The following ST3GAL3 variants were observed in gnomAD, a reference collection of about 807,000 sequenced individuals.
The protein encoded by ST3GAL3 is ST3 beta-galactoside alpha-2,3-sialyltransferase 3, also known as CMP-N-acetylneuraminate-beta-1,4-galactoside alpha-2,3-sialyltransferase.
A neutral mutation model predicts 50.1 loss-of-function variants in ST3GAL3; 21 were observed. The observed-to-expected ratio is 0.42, with a 90% CI of 0.30 to 0.60. The LOEUF (loss-of-function observed/expected upper bound fraction) is 0.60. Among genes scored for constraint, ST3GAL3 ranks in the 20% least tolerant of loss-of-function variants. The probability of loss-of-function intolerance (pLI) is 0.19; values close to 1 mark genes in which losing one functional copy is unlikely to be tolerated. For missense variants in ST3GAL3, 353 were observed against 489.4 expected (o/e 0.72, Z 2.63); for synonymous variants, 183 against 190.0 (o/e 0.96, Z 0.30).
chr1:43,753,050 T>A (rs1440105903), intron 2 of ST3GAL3, among the ~76,000 whole-genome samples: 1 of 152,178 alleles, frequency 6.6e-6, no homozygotes, highest in Non-Finnish European at 1.5e-5. Flanking sequence ...ATTGTAAAGG[T>A]TATAACTAAA....
At chr1:43,816,925 G>C (rs1230877976) in intron 4 of ST3GAL3, among the ~76,000 whole-genome samples, 2 of 152,224 alleles carry the variant, frequency 1.3e-5, no homozygotes, top group Non-Finnish European at 1.5e-5. Context: ...CTGTCTCACA[G>C]ATACCTGAGA....
intron 2 of ST3GAL3, chr1:43,772,638 C>G (rs1695714003): frequency 6.6e-6 from 1 of 152,080 alleles, no homozygotes; most frequent in African/African-American, 2.4e-5. Context: ...TCCCATGGCC[C>G]CAGTGTCCCT....
intron 5 of ST3GAL3, among the ~76,000 whole-genome samples, chr1:43,890,738 G>C (rs577130899): frequency 6.6e-6 from 1 of 151,972 alleles, no homozygotes; most frequent in African/African-American, 2.4e-5. Context: ...TGAGAACTTA[G>C]CTGGGTATGG....
At chr1:43,736,495 C>G in intron 2 of ST3GAL3, 115 bp downstream of exon 2, 1 of 1,589,788 alleles carries the variant, frequency 6.3e-7, no homozygotes, top group South Asian at 1.1e-5. Context: ...GTAAACTGAA[C>G]ATTTCTGGGA....
At chr1:43,748,417 GC>G (rs1684713432) in intron 2 of ST3GAL3, among the ~76,000 whole-genome samples, 1 of 144,708 alleles carries the variant, frequency 6.9e-6, no homozygotes, top group African/African-American at 2.6e-5. Flanking sequence ...TGTTAAAACA[GC>G]CCCCATTTTT....
At chr1:43,842,947 C>T (rs1224814191) in intron 5 of ST3GAL3, among the ~76,000 whole-genome samples, 1 of 147,342 alleles carries the variant, frequency 6.8e-6, no homozygotes, top group African/African-American at 2.5e-5. Context: ...TGTAGGTCTC[C>T]TTCTGGACTC....
At chr1:43,857,520 TTCCCTCC>T (rs2068690197) in intron 5 of ST3GAL3, among the ~76,000 whole-genome samples, 1 of 137,486 alleles carries the variant, frequency 7.3e-6, no homozygotes, top group African/African-American at 2.6e-5. Context: ...CCTTCCTTCC[TTCCCTCC>T]TCCTTCCCTC....
rs576650803 is a variant in ST3GAL3 at position 43,836,964 on chromosome 1, C to T, written c.210-1255C>T. Among the ~76,000 whole-genome samples the T allele has an allele frequency of 2.7e-4, 7 of 26,302 alleles. No individual in the cohort carries two copies. In the East Asian group the frequency reaches 7.1e-3, roughly 27 times the overall value. 17.3% of individuals were successfully genotyped at this position (26,302 alleles called of 152,430 possible). Reference sequence around the variant, plus strand: ...CTGAAAAATATGTAGCAGTCTCAGCCTTGTGGGTTCCTTGAGATTGCCTTG... The same window carrying T: ...CTGAAAAATATGTAGCAGTCTCAGCTTTGTGGGTTCCTTGAGATTGCCTTG... On this transcript the variant is annotated intron_variant, in intron 4 of 11. Coordinates refer to ENST00000347631, the MANE Select transcript of ST3GAL3 (RefSeq NM_006279.5).
intron 5 of ST3GAL3, among the ~76,000 whole-genome samples, chr1:43,843,892 C>T (rs957315942): frequency 3.3e-5 from 5 of 152,208 alleles, no homozygotes; most frequent in East Asian, 3.9e-4. Flanking sequence ...GGTTGACGGC[C>T]GAACAAGACT....
Position 43,814,884 on chromosome 1 carries a change from T to A in ST3GAL3, c.167-7T>A, listed in dbSNP as rs199609363. On this transcript the variant is annotated splice_polypyrimidine_tract_variant and splice_region_variant and intron_variant, in intron 3 of 11. Coordinates refer to ENST00000347631, the MANE Select transcript of ST3GAL3 (RefSeq NM_006279.5). ...CTTCAGTGACATTTTCTGCTTTTCT[T>A]TTTCAGAGTATGATCGGTTGGGCTT... The A allele has an allele frequency of 1.7e-5, 28 of 1,614,194 alleles. No individual in the cohort carries two copies. Among genetic ancestry groups the A allele is most frequent in the Non-Finnish European group, 2.4e-5 (28 of 1,180,008 alleles).
chr1:43,890,007 G>T lies in ST3GAL3; in HGVS notation c.303-4376G>T, dbSNP rs1444359201. Among the ~76,000 whole-genome samples, 5 of 152,062 alleles carry T rather than the reference G, an allele frequency of 3.3e-5. No homozygotes were observed. In the South Asian group the frequency reaches 8.3e-4, roughly 25 times the overall value. ...GGCACATGCCTGTAGTCCTAGCTAC[G>T]CAGGAGGCTGAGGTGGAAGGAATGC... On this transcript the variant is annotated intron_variant, in intron 5 of 11. Transcript: ENST00000347631.
chr1:43,876,454 G>A (rs535270628), intron 5 of ST3GAL3, among the ~76,000 whole-genome samples: 9 of 152,290 alleles, frequency 5.9e-5, no homozygotes, highest in South Asian at 4.1e-4. Context: ...GTCAAGCATC[G>A]GGATTGAGGC....
At chr1:43,733,145 C>G (rs1419630780) in intron 1 of ST3GAL3, among the ~76,000 whole-genome samples, 1 of 152,092 alleles carries the variant, frequency 6.6e-6, no homozygotes, top group African/African-American at 2.4e-5. Flanking sequence ...TAGGCACATG[C>G]CACCATGTCC....
intron 9 of ST3GAL3, chr1:43,920,084 A>C: frequency 2.5e-6 from 1 of 405,812 alleles, no homozygotes; most frequent in Non-Finnish European, 4.7e-6. Flanking sequence ...GGGTCTTCTT[A>C]TTGGCCCAGG....
chr1:43,885,441 G>A (rs1003026096), intron 5 of ST3GAL3, among the ~76,000 whole-genome samples: 3 of 151,982 alleles, frequency 2.0e-5, no homozygotes, highest in Admixed American at 6.5e-5. Context: ...CTCGCGTGCC[G>A]GGGTGCTGGC....
intron 4 of ST3GAL3, chr1:43,824,745 T>C (rs748856969): frequency 6.2e-7 from 1 of 1,614,010 alleles, no homozygotes; most frequent in African/African-American, 1.3e-5. Context: ...CCGAGGACTC[T>C]CTGCACGGTG....
In ST3GAL3 at chr1:43,894,357, T is replaced by A. The variant is rs780968729; in HGVS notation, c.303-26T>A. On this transcript the variant is annotated intron_variant, in intron 5 of 11. Transcript: ENST00000347631. ...AATCCAGACTGTTGCGTTTTTGTGA[T>A]CCTCAGCAGTCCTGTTATATTCCAG... 1.4e-5 allele frequency: 23 copies of A among 1,610,022 alleles called. No homozygotes were observed. The Admixed American group carries it at 3.7e-4, about 26-fold the overall frequency.
chr1:43,928,896 C>T (rs1358708596), intron 11 of ST3GAL3, among the ~76,000 whole-genome samples: 3 of 152,024 alleles, frequency 2.0e-5, no homozygotes, highest in Non-Finnish European at 4.4e-5. Flanking sequence ...GCAACAAGAG[C>T]GAAACTCTGT....
In ST3GAL3 at chr1:43,707,541, G is replaced by A. The variant is rs1031722875; in HGVS notation, c.-183G>A. On this transcript the variant is annotated 5_prime_UTR_variant, in exon 1 of 12. Transcript: ENST00000347631. The stretch of plus-strand genomic sequence containing the variant: ...GGCCGCGCGCTCCGCCCGCCGCTGC[G>A]TCCCCACTATGGCGGCGCCCATGCA... The A allele has an allele frequency of 1.3e-5, 2 of 151,802 alleles. No homozygotes were observed. The highest frequency in any genetic ancestry group is 2.9e-5 in the Non-Finnish European group (2 of 67,996). 9.4% of individuals were successfully genotyped at this position (151,802 alleles called of 1,614,324 possible).
Sources: gnomAD v4.1 joint callset for allele counts (sites outside exome capture counted in the v4.1 genomes callset) on GRCh38, gnomAD v4.1.1 for gene constraint, MANE v1.5 for transcripts, NCBI Gene and HGNC (gene_info 2026-07-23, HGNC 2026-07-21) for gene names.